Variants in CDH13 observed in about 807,000 individuals in gnomAD.
CDH13 encodes the protein cadherin 13.
In CDH13, 24 loss-of-function variants were observed where a neutral mutation model predicts 63.8. The ratio of observed to expected loss-of-function variants is 0.38; its 90% CI spans 0.27 to 0.53. The LOEUF (loss-of-function observed/expected upper bound fraction) is 0.53. Ranked by LOEUF, CDH13 falls within the 20% of genes least tolerant of loss-of-function variation. The pLI is 0.85. For missense variants in CDH13, 1,049 were observed against 903.1 expected, an observed-to-expected ratio of 1.16 and a Z score of -2.07; for synonymous variants, 503 against 355.3, an observed-to-expected ratio of 1.42 and a Z score of -4.67.
intron 5 of CDH13, among the ~76,000 whole-genome samples, chr16:83,323,525 C>T (rs1022710867): frequency 1.3e-5 from 2 of 152,088 alleles, no homozygotes; most frequent in Non-Finnish European, 2.9e-5. Flanking sequence ...AGGCGATCCA[C>T]CTGCCTCAGC....
intron 13 of CDH13, among the ~76,000 whole-genome samples, chr16:83,784,166 T>C (rs1915722227): frequency 6.6e-6 from 1 of 152,218 alleles, no homozygotes. Flanking sequence ...ATTTACCTTT[T>C]GAGAACGTAT....
At chr16:82,996,250 A>C (rs1040761304) in intron 2 of CDH13, among the ~76,000 whole-genome samples, 15 of 152,276 alleles carry the variant, frequency 9.9e-5, no homozygotes, top group African/African-American at 3.6e-4. Flanking sequence ...GAAGTAATGA[A>C]AATGGTAAGA....
chr16:82,632,266 A>G (rs1307459514), intron 1 of CDH13, among the ~76,000 whole-genome samples: 1 of 152,048 alleles, frequency 6.6e-6, no homozygotes, highest in African/African-American at 2.4e-5. Flanking sequence ...TGCTTTCACA[A>G]ATGTTGAGGT....
At chr16:83,175,994 A>G (rs2038106314) in intron 4 of CDH13, among the ~76,000 whole-genome samples, 1 of 150,974 alleles carries the variant, frequency 6.6e-6, no homozygotes, top group Admixed American at 6.6e-5. Flanking sequence ...ATGCCTGGCT[A>G]ATTTTTGTTT....
chr16:82,786,400 T>C (rs2036002981), intron 1 of CDH13, among the ~76,000 whole-genome samples: 1 of 151,926 alleles, frequency 6.6e-6, no homozygotes, highest in Admixed American at 6.6e-5. Context: ...AGGGCTTACT[T>C]GCAATGATCC....
chr16:83,483,893 A>G (rs746381028), intron 6 of CDH13, among the ~76,000 whole-genome samples: 3 of 152,220 alleles, frequency 2.0e-5, no homozygotes, highest in African/African-American at 7.2e-5. Flanking sequence ...GTAGCATGTC[A>G]ATGGGAGACA....
intron 5 of CDH13, among the ~76,000 whole-genome samples, chr16:83,315,327 C>G (rs1379408336): frequency 6.6e-6 from 1 of 152,174 alleles, no homozygotes; most frequent in Non-Finnish European, 1.5e-5. Context: ...TCAGTTAATT[C>G]CACTAAACTC....
chr16:82,880,080 A>G (rs1403423301), intron 2 of CDH13, among the ~76,000 whole-genome samples: 1 of 150,808 alleles, frequency 6.6e-6, no homozygotes, highest in African/African-American at 2.4e-5. Flanking sequence ...ATCAGTATGT[A>G]TATATATTAT....
chr16:83,718,508 G>T (rs748559868), intron 10 of CDH13, among the ~76,000 whole-genome samples: 2 of 152,214 alleles, frequency 1.3e-5, no homozygotes, highest in Non-Finnish European at 2.9e-5. Context: ...CCAAGCAGTG[G>T]AATGTTCATG....
At position 83,078,408 on chromosome 16, in the gene CDH13, A is replaced by G. The variant is rs116542931; in HGVS notation, c.366+46190A>G. 8.9e-3 allele frequency among the ~76,000 whole-genome samples: 1,355 copies of G among 152,262 alleles called. 25 individuals carry two copies. The highest frequency in any genetic ancestry group is 0.029 in the African/African-American group (1,217 of 41,546). On this transcript the variant is annotated intron_variant, in intron 3 of 13. Transcript: ENST00000567109. ...AATCAGGCGTTTGTTAGATTCTCAT[A>G]AGGAACGTGCGACCTAGATCCCTCG...
intron 6 of CDH13, among the ~76,000 whole-genome samples, chr16:83,347,207 C>T (rs187947384): frequency 6.6e-5 from 10 of 152,262 alleles, no homozygotes; most frequent in Admixed American, 5.2e-4. Flanking sequence ...CAACTTAAAT[C>T]GTTTACAAGT....
intron 3 of CDH13, among the ~76,000 whole-genome samples, chr16:83,080,429 G>T (rs370713691): frequency 6.6e-6 from 1 of 152,176 alleles, no homozygotes; most frequent in African/African-American, 2.4e-5. Flanking sequence ...TTTCAACTAC[G>T]TTCTATCCTC....
At chr16:82,656,955 A>G (rs1311993301) in intron 1 of CDH13, among the ~76,000 whole-genome samples, 3 of 130,590 alleles carry the variant, frequency 2.3e-5, no homozygotes, top group Non-Finnish European at 3.2e-5. Flanking sequence ...ATAATATTTC[A>G]TTGTCTGGAT....
At chr16:83,450,685 A>G (rs756397833) in intron 6 of CDH13, among the ~76,000 whole-genome samples, 23 of 152,276 alleles carry the variant, frequency 1.5e-4, no homozygotes, top group Non-Finnish European at 2.5e-4. Flanking sequence ...CCTGGCTAAC[A>G]TAGTGAAACC....
intron 5 of CDH13, among the ~76,000 whole-genome samples, chr16:83,306,242 A>G (rs1024895892): frequency 6.6e-6 from 1 of 152,186 alleles, no homozygotes; most frequent in Non-Finnish European, 1.5e-5. Context: ...TATCTGTGCT[A>G]TGGTTTGGAG....
At chr16:83,454,745 T>G (rs1370348590) in intron 6 of CDH13, among the ~76,000 whole-genome samples, 3 of 151,938 alleles carry the variant, frequency 2.0e-5, no homozygotes, top group African/African-American at 2.4e-5. Flanking sequence ...GTCTTGCTAT[T>G]ACACAGGCAG....
At chr16:83,065,884 A>G (rs564246750) in intron 3 of CDH13, among the ~76,000 whole-genome samples, 4 of 152,252 alleles carry the variant, frequency 2.6e-5, no homozygotes, top group South Asian at 4.1e-4. Context: ...CTACTAAACC[A>G]TGCCACACCA....
At chr16:83,724,473 T>C (rs958844088) in intron 10 of CDH13, among the ~76,000 whole-genome samples, 3 of 151,932 alleles carry the variant, frequency 2.0e-5, no homozygotes, top group African/African-American at 7.3e-5. Flanking sequence ...GATGAATGCA[T>C]GGATGAGTGT....
intron 9 of CDH13, among the ~76,000 whole-genome samples, chr16:83,672,766 A>T (rs1314229049): frequency 6.6e-6 from 1 of 152,168 alleles, no homozygotes; most frequent in Admixed American, 6.5e-5. Flanking sequence ...GAGCTGTAGC[A>T]AACACATTTT....
Sources: gnomAD v4.1 joint callset for allele counts (sites outside exome capture counted in the v4.1 genomes callset) on GRCh38, gnomAD v4.1.1 for gene constraint, MANE v1.5 for transcripts, NCBI Gene and HGNC (gene_info 2026-07-23, HGNC 2026-07-21) for gene names.